DOCK4: variants seen among roughly 807,000 people sequenced by gnomAD.
DOCK4 encodes the protein dedicator of cytokinesis 4.
A neutral mutation model predicts 268.1 loss-of-function variants in DOCK4; 97 were observed. The observed-to-expected ratio is 0.36, with a 90% confidence interval of 0.31 to 0.43. DOCK4 has a LOEUF of 0.43. Ranked by LOEUF, DOCK4 falls within the 20% of genes least tolerant of loss-of-function variation. The pLI is 1.00. For synonymous variants in DOCK4, 954 were observed against 887.2 expected, an observed-to-expected ratio of 1.08 and a Z score of -1.34; for missense variants, 2,145 against 2,455.7, an observed-to-expected ratio of 0.87 and a Z score of 2.67.
intron 17 of DOCK4, among the ~76,000 whole-genome samples, chr7:111,876,387 GCACAGGT>G (rs1806873866): frequency 6.6e-6 from 1 of 152,066 alleles, no homozygotes; most frequent in Non-Finnish European, 1.5e-5. Context: ...ACCTGTTTAG[GCACAGGT>G]TTTTATGAGA....
At chr7:112,091,073 TC>T (rs35951761) in intron 1 of DOCK4, among the ~76,000 whole-genome samples, 45,978 of 151,826 alleles carry the variant, frequency 0.3, 7,514 homozygotes, top group Non-Finnish European at 0.37. Flanking sequence ...AATAGAGCCC[TC>T]CAAGGTAAAG....
intron 32 of DOCK4, 32 bp downstream of exon 32, chr7:111,788,630 T>A: frequency 6.5e-7 from 1 of 1,539,734 alleles, no homozygotes; most frequent in Non-Finnish European, 8.8e-7. Flanking sequence ...TCCCCCAGAA[T>A]GGAATCAACT....
intron 8 of DOCK4, among the ~76,000 whole-genome samples, chr7:111,973,549 T>C (rs1797899971): frequency 6.6e-6 from 1 of 152,188 alleles, no homozygotes; most frequent in African/African-American, 2.4e-5. Flanking sequence ...TTTATTTGGA[T>C]CTCAATTTGA....
chr7:112,134,453 C>T (rs892395933), intron 1 of DOCK4, among the ~76,000 whole-genome samples: 1 of 152,218 alleles, frequency 6.6e-6, no homozygotes, highest in Non-Finnish European at 1.5e-5. Flanking sequence ...GGCACGGTGG[C>T]TCACGCCTGT....
chr7:111,827,335 T>C (rs908086163), intron 26 of DOCK4, among the ~76,000 whole-genome samples: 20 of 152,200 alleles, frequency 1.3e-4, no homozygotes, highest in African/African-American at 3.9e-4. Context: ...AATAATTATA[T>C]TGAAAATCTT....
chr7:111,849,414 C>T (rs1586166448), intron 23 of DOCK4, among the ~76,000 whole-genome samples: 3 of 152,176 alleles, frequency 2.0e-5, no homozygotes, highest in Non-Finnish European at 4.4e-5. Flanking sequence ...ATGCACGTGC[C>T]ATCACGCCCA....
At chr7:112,051,985 G>A (rs1047449975) in intron 1 of DOCK4, among the ~76,000 whole-genome samples, 2 of 152,058 alleles carry the variant, frequency 1.3e-5, no homozygotes, top group Non-Finnish European at 2.9e-5. Flanking sequence ...AGGACCTTCT[G>A]CAGATACCAA....
chr7:111,931,620 T>A (rs369604396), intron 12 of DOCK4, among the ~76,000 whole-genome samples: 2 of 152,278 alleles, frequency 1.3e-5, no homozygotes, highest in East Asian at 1.9e-4. Flanking sequence ...AAACAAAGTA[T>A]AGAAGGGGTC....
At chr7:111,845,496 G>A (rs929805848) in intron 24 of DOCK4, among the ~76,000 whole-genome samples, 4 of 152,078 alleles carry the variant, frequency 2.6e-5, no homozygotes, top group East Asian at 1.9e-4. Flanking sequence ...TAGTATCCAC[G>A]CCCCAGGACT....
At chr7:112,166,356 T>C (rs1055802870) in intron 1 of DOCK4, among the ~76,000 whole-genome samples, 1 of 152,196 alleles carries the variant, frequency 6.6e-6, no homozygotes, top group African/African-American at 2.4e-5. Context: ...TGGAGGTAAG[T>C]ATACACACAT....
At chr7:111,960,968 T>C (rs771443650) in intron 8 of DOCK4, among the ~76,000 whole-genome samples, 1 of 152,192 alleles carries the variant, frequency 6.6e-6, no homozygotes, top group Non-Finnish European at 1.5e-5. Context: ...TTAGCTATTG[T>C]CAATAGTGCT....
intron 1 of DOCK4, among the ~76,000 whole-genome samples, chr7:112,100,145 T>C (rs1217316971): frequency 1.3e-5 from 2 of 152,248 alleles, no homozygotes; most frequent in Non-Finnish European, 2.9e-5. Flanking sequence ...CATAGGAATA[T>C]TATATTACGC....
intron 1 of DOCK4, among the ~76,000 whole-genome samples, chr7:112,045,173 G>T (rs977984237): frequency 5.9e-5 from 9 of 152,044 alleles, no homozygotes; most frequent in African/African-American, 2.2e-4. Flanking sequence ...TGGCTCTTCA[G>T]TCACAGCAGG....
intron 8 of DOCK4, among the ~76,000 whole-genome samples, chr7:111,955,675 T>A (rs1796400369): frequency 6.6e-6 from 1 of 152,232 alleles, no homozygotes; most frequent in Non-Finnish European, 1.5e-5. Flanking sequence ...AAAGAGTTTT[T>A]AGGAAGGTAA....
chr7:111,844,693 C>T, intron 25 of DOCK4, 70 bp downstream of exon 25: 1 of 1,521,634 alleles, frequency 6.6e-7, no homozygotes, highest in South Asian at 1.3e-5. Context: ...ATTATAACAT[C>T]AAGCCACCTG....
At chr7:111,806,529 G>A (rs535307579) in intron 30 of DOCK4, among the ~76,000 whole-genome samples, 1 of 152,232 alleles carries the variant, frequency 6.6e-6, no homozygotes, top group East Asian at 1.9e-4. Flanking sequence ...CTTGAACCAC[G>A]TCATGCTGGG....
chr7:112,032,250 A>C (rs1454637768), intron 1 of DOCK4, among the ~76,000 whole-genome samples: 1 of 152,236 alleles, frequency 6.6e-6, no homozygotes, highest in East Asian at 1.9e-4. Context: ...AGAATAAACA[A>C]AAATATCTAG....
chr7:111,977,103 A>G (rs1160104479), intron 8 of DOCK4, 29 bp downstream of exon 8: 3 of 1,611,320 alleles, frequency 1.9e-6, no homozygotes, highest in Admixed American at 1.7e-5. Context: ...ACATTAAGAC[A>G]TTGAAACCCT....
chr7:111,854,156 T>C (rs933111988), intron 23 of DOCK4, among the ~76,000 whole-genome samples: 1 of 152,122 alleles, frequency 6.6e-6, no homozygotes, highest in African/African-American at 2.4e-5. Flanking sequence ...GCCCAATTTC[T>C]GCCTCCAAAG....
Sources: gnomAD v4.1 joint callset for allele counts (sites outside exome capture counted in the v4.1 genomes callset) on GRCh38, gnomAD v4.1.1 for gene constraint, MANE v1.5 for transcripts, NCBI Gene and HGNC (gene_info 2026-07-23, HGNC 2026-07-21) for gene names.